Variants in USP10 observed in about 807,000 individuals in gnomAD.
USP10 encodes ubiquitin specific peptidase 10.
Under a neutral mutation model 84.5 loss-of-function variants are expected in USP10, and 22 were observed. The ratio of observed to expected loss-of-function variants is 0.26; its 90% CI spans 0.19 to 0.37. The LOEUF (loss-of-function observed/expected upper bound fraction) is 0.37. USP10 is among the 10% of genes least tolerant of loss of function. USP10 has a pLI of 1.00. For missense variants in USP10, 1,019 were observed against 998.9 expected (o/e 1.02, Z -0.27); for synonymous variants, 454 against 387.6 (o/e 1.17, Z -2.01).
At position 84,770,816 on chromosome 16, in the gene USP10, C is replaced by G. The variant is rs376082373; in HGVS notation, c.1999-1725C>G. On this transcript the variant is annotated intron_variant, in intron 11 of 13. Coordinates refer to ENST00000219473, the MANE Select transcript of USP10 (RefSeq NM_005153.3). ...TCTCCAGTGGCTGATGCCTGTAATCCCAGCATTTTCGGAGGCTGAGGCAGG... is the reference window on the plus strand; with the variant it reads ...TCTCCAGTGGCTGATGCCTGTAATCGCAGCATTTTCGGAGGCTGAGGCAGG... Among the ~76,000 whole-genome samples the G allele has an allele frequency of 5.5e-4, 83 of 151,616 alleles. 1 individual carries two copies. In the East Asian group the frequency reaches 0.015, roughly 27 times the overall value.
chr16:84,775,276 G>C, intron 13 of USP10, 51 bp downstream of exon 13: 3 of 1,574,024 alleles, frequency 1.9e-6, no homozygotes, highest in East Asian at 2.2e-5. Context: ...TGATGAAGGG[G>C]TTTACAGCTG....
intron 1 of USP10, among the ~76,000 whole-genome samples, chr16:84,729,896 A>AT (rs1567607511): frequency 6.6e-6 from 1 of 152,090 alleles, no homozygotes; most frequent in Non-Finnish European, 1.5e-5. Flanking sequence ...CTTATGGTGT[A>AT]TTTTTTTGCG....
At chr16:84,760,296 C>T (rs1428619985) in intron 8 of USP10, 21 bp downstream of exon 8, 3 of 1,569,614 alleles carry the variant, frequency 1.9e-6, no homozygotes, top group South Asian at 1.2e-5. Flanking sequence ...TCTCTGTTGT[C>T]ACTAGTATCA....
intron 1 of USP10, among the ~76,000 whole-genome samples, chr16:84,714,479 C>A (rs991578686): frequency 6.6e-6 from 1 of 151,888 alleles, no homozygotes; most frequent in African/African-American, 2.4e-5. Context: ...CCACCGTGCA[C>A]GGCTTTGCAT....
intron 1 of USP10, among the ~76,000 whole-genome samples, chr16:84,705,040 T>C (rs2150752438): frequency 6.6e-6 from 1 of 152,358 alleles, no homozygotes; most frequent in East Asian, 1.9e-4. Flanking sequence ...TCCTCCCCGT[T>C]GGGCTTGTGT....
intron 4 of USP10, among the ~76,000 whole-genome samples, chr16:84,752,991 G>A (rs1024810416): frequency 6.6e-6 from 1 of 151,912 alleles, no homozygotes; most frequent in East Asian, 1.9e-4. Flanking sequence ...TTAAGAAACA[G>A]GGTCTTGCTC....
At chr16:84,700,885 C>A (rs1479224629) in intron 1 of USP10, among the ~76,000 whole-genome samples, 1 of 151,954 alleles carries the variant, frequency 6.6e-6, no homozygotes, top group Non-Finnish European at 1.5e-5. Context: ...AGCTCTTATT[C>A]CCCTCTCCCA....
chr16:84,719,443 A>G (rs1182280545), intron 1 of USP10, among the ~76,000 whole-genome samples: 1 of 152,158 alleles, frequency 6.6e-6, no homozygotes, highest in African/African-American at 2.4e-5. Context: ...AAAATGCTAA[A>G]TGAGGCCTGG....
At chr16:84,723,545 A>C (rs1358929130) in intron 1 of USP10, among the ~76,000 whole-genome samples, 3 of 152,298 alleles carry the variant, frequency 2.0e-5, no homozygotes, top group Non-Finnish European at 4.4e-5. Context: ...AGTTTGGAGA[A>C]ATTATTCCTT....
chr16:84,749,345 TTGA>T (rs1395343866), intron 4 of USP10, among the ~76,000 whole-genome samples: 1 of 152,208 alleles, frequency 6.6e-6, no homozygotes, highest in African/African-American at 2.4e-5. Flanking sequence ...AAAAGATCTG[TTGA>T]TGTGGGTTAT....
chr16:84,737,079 C>T (rs1910033596), intron 2 of USP10, among the ~76,000 whole-genome samples: 2 of 152,216 alleles, frequency 1.3e-5, no homozygotes, highest in South Asian at 2.1e-4. Flanking sequence ...TGAGCCACCA[C>T]GCCCGGCCTA....
intron 1 of USP10, among the ~76,000 whole-genome samples, chr16:84,710,672 T>G (rs1312163686): frequency 6.6e-6 from 1 of 152,248 alleles, no homozygotes; most frequent in Non-Finnish European, 1.5e-5. Flanking sequence ...TTTCCTGTAG[T>G]ACTTTTGGTA....
intron 5 of USP10, 46 bp from the exon 6 acceptor site, chr16:84,759,317 G>A (rs1361672891): frequency 2.0e-6 from 3 of 1,529,578 alleles, no homozygotes; most frequent in East Asian, 2.2e-5. Flanking sequence ...AGGAAATGTG[G>A]TGTGTCTGTT....
intron 11 of USP10, among the ~76,000 whole-genome samples, chr16:84,770,913 A>G (rs1452670671): frequency 2.0e-5 from 3 of 152,122 alleles, no homozygotes; most frequent in Non-Finnish European, 2.9e-5. Flanking sequence ...TAAAAATACA[A>G]AAATTAACTG....
intron 1 of USP10, among the ~76,000 whole-genome samples, chr16:84,717,841 C>G (rs1348514108): frequency 6.6e-6 from 1 of 152,184 alleles, no homozygotes; most frequent in African/African-American, 2.4e-5. Flanking sequence ...GATTAATTTA[C>G]TGTAATGCTT....
At chr16:84,748,018 G>T (rs1394873258) in intron 4 of USP10, among the ~76,000 whole-genome samples, 1 of 151,644 alleles carries the variant, frequency 6.6e-6, no homozygotes. Flanking sequence ...GCCAGGCGTG[G>T]TGGCGGGCGC....
chr16:84,724,036 G>A (rs761884764), intron 1 of USP10, among the ~76,000 whole-genome samples: 1 of 152,048 alleles, frequency 6.6e-6, no homozygotes, highest in African/African-American at 2.4e-5. Flanking sequence ...CTTCTACTAG[G>A]GCTATCCCAG....
chr16:84,717,109 G>T (rs900392259), intron 1 of USP10, among the ~76,000 whole-genome samples: 2 of 152,166 alleles, frequency 1.3e-5, no homozygotes, highest in African/African-American at 4.8e-5. Context: ...GGCCCTGTGC[G>T]CTGTCTGAGC....
At chr16:84,762,947 G>A in intron 8 of USP10, 42 bp from the exon 9 acceptor site, 3 of 1,306,076 alleles carry the variant, frequency 2.3e-6, no homozygotes, top group South Asian at 2.7e-5. Flanking sequence ...GCCTTTGACA[G>A]TGATCAGTTC....
Sources: allele counts gnomAD v4.1 joint callset (sites outside exome capture counted in the v4.1 genomes callset), GRCh38; gene constraint gnomAD v4.1.1; transcripts MANE v1.5; gene names NCBI Gene and HGNC (gene_info 2026-07-23, HGNC 2026-07-21).